KMT2E: variants seen among roughly 807,000 people sequenced by gnomAD.
KMT2E encodes histone reader KMT2E.
Under a neutral mutation model 184.6 loss-of-function variants are expected in KMT2E, and 30 were observed. The ratio of observed to expected loss-of-function variants is 0.16; its 90% CI spans 0.12 to 0.22. The LOEUF (loss-of-function observed/expected upper bound fraction) is 0.22, where lower values mean the gene tolerates loss of function less well. Ranked by LOEUF, KMT2E falls within the 10% of genes least tolerant of loss-of-function variation. The pLI, the probability that KMT2E is intolerant of heterozygous loss-of-function variation, is 1.00. For missense variants in KMT2E, 2,023 were observed against 2,237.4 expected (o/e 0.90, Z 1.93); for synonymous variants, 815 against 776.5 (o/e 1.05, Z -0.82).
intron 3 of KMT2E, among the ~76,000 whole-genome samples, chr7:105,041,520 G>T (rs1228267150): frequency 6.6e-6 from 1 of 152,110 alleles, no homozygotes; most frequent in African/African-American, 2.4e-5. Context: ...TCCTGCCTCA[G>T]CCTCCCGAGT....
rs531547156 is a variant in KMT2E, at chr7:105,056,342, A to G, written c.72-5822A>G. 2.0e-5 allele frequency among the ~76,000 whole-genome samples: 3 copies of G among 152,322 alleles called. No homozygotes were observed. In the East Asian group the frequency reaches 5.8e-4, roughly 29 times the overall value. On this transcript the variant is annotated intron_variant, in intron 3 of 26. Transcript: ENST00000311117. ...GTACAGTTTATTGTGAAGTTTTTCT[A>G]AATCCAAACCTCCAAAGGAAAATCT...
chr7:105,096,247 C>CAAAA (rs11330758), intron 15 of KMT2E, among the ~76,000 whole-genome samples: 8 of 69,248 alleles, frequency 1.2e-4, no homozygotes, highest in Non-Finnish European at 1.7e-4. Context: ...GTGAAAGGCT[C>CAAAA]AAAAAAAAAA....
At chr7:105,046,211 TA>T (rs1234074104) in intron 3 of KMT2E, among the ~76,000 whole-genome samples, 1 of 152,216 alleles carries the variant, frequency 6.6e-6, no homozygotes, top group East Asian at 1.9e-4. Context: ...AAAGCCGTCT[TA>T]TTCATATATT....
chr7:105,038,962 G>A (rs956725782), intron 2 of KMT2E, among the ~76,000 whole-genome samples: 1 of 152,100 alleles, frequency 6.6e-6, no homozygotes, highest in Non-Finnish European at 1.5e-5. Context: ...CTGCAGTTCT[G>A]TTTCAGATGT....
intron 4 of KMT2E, among the ~76,000 whole-genome samples, chr7:105,062,985 T>C (rs1341823004): frequency 6.8e-6 from 1 of 146,938 alleles, no homozygotes; most frequent in Non-Finnish European, 1.5e-5. Context: ...TTCTGAGATG[T>C]GTGTTTTTCT....
intron 15 of KMT2E, among the ~76,000 whole-genome samples, chr7:105,101,011 T>C (rs1179989647): frequency 1.3e-5 from 2 of 152,172 alleles, no homozygotes; most frequent in Admixed American, 6.5e-5. Flanking sequence ...GCCAATAATA[T>C]ACTCACTCAA....
In KMT2E at chr7:105,109,050, A is replaced by G; in HGVS notation, c.3577A>G (p.Ser1193Gly). The G allele has an allele frequency of 6.2e-7, 1 of 1,614,216 alleles. No individual in the cohort carries two copies. Among genetic ancestry groups the G allele is most frequent in the Non-Finnish European group, 8.5e-7 (1 of 1,180,034 alleles). ...SVSPHASGSLSNNGDGCASSN... is the reference protein window; with the variant it reads ...SVSPHASGSLGNNGDGCASSN... ...ATCACCCCATGCAAGTGGAAGCTTG[A>G]GCAACAATGGTGATGGCTGTGCCAG... Residue 1193 changes from serine (S) to glycine (G), a missense_variant, in exon 23 of 27, where the codon AGC (serine) becomes GGC (glycine). Ser to Gly is a moderately conservative substitution (Grantham distance 56). Around this residue, in one of 8 missense-constraint regions of KMT2E, gnomAD observed 1,108 missense variants for 1,050.9 expected, o/e 1.05. Transcript: ENST00000311117.
chr7:105,055,131 A>G (rs1283455308), intron 3 of KMT2E, among the ~76,000 whole-genome samples: 2 of 151,502 alleles, frequency 1.3e-5, no homozygotes, highest in Non-Finnish European at 2.9e-5. Context: ...TTGTCATACT[A>G]CTACTCCACT....
intron 13 of KMT2E, among the ~76,000 whole-genome samples, chr7:105,086,159 A>G (rs1048477575): frequency 2.6e-5 from 4 of 152,014 alleles, no homozygotes. Context: ...TTCACTGCCT[A>G]TGGTATTTAT....
At position 105,077,635 on chromosome 7, in the gene KMT2E, T is replaced by C. The variant is rs1584766511; in HGVS notation, c.1130+202T>C. ...AACAACATAAAAAAATGCAAAGATA[T>C]ATTCCGGTCTCTTGCTCATGTCTGT... On this transcript the variant is annotated intron_variant, in intron 11 of 26. Transcript: ENST00000311117. 5 of 500,540 alleles carry C rather than the reference T, an allele frequency of 1.0e-5. No individual in the cohort carries two copies. In the South Asian group the frequency reaches 1.3e-4, roughly 13 times the overall value. The allele number at this position is 500,540 out of a possible 1,614,324, so 31.0% of individuals were successfully genotyped here. A position where few individuals can be genotyped will look rare whatever the true frequency, so the allele number is the denominator to read the frequency against.
Position 105,063,469 on chromosome 7 carries a change from G to T in KMT2E, c.305G>T (p.Ser102Ile), listed in dbSNP as rs1385728309. 1 of 1,613,658 alleles carries T rather than the reference G, an allele frequency of 6.2e-7. No homozygotes were observed. Among genetic ancestry groups the T allele is most frequent in the Non-Finnish European group, 8.5e-7 (1 of 1,179,766 alleles). ...FTTPNFDETS[S>I]ATTISTSEDG... Reference sequence around the variant, plus strand: ...ACTCCTAATTTTGATGAAACTTCCAGTGCTACTACAATCAGCACATCTGAG... The same window carrying T: ...ACTCCTAATTTTGATGAAACTTCCATTGCTACTACAATCAGCACATCTGAG... Residue 102 changes from serine (S) to isoleucine (I), a missense_variant, in exon 5 of 27, where the codon AGT becomes ATT. By Grantham distance (142) the Ser-to-Ile change is moderately radical. Coordinates refer to ENST00000311117, the MANE Select transcript of KMT2E (RefSeq NM_182931.3).
At chr7:105,035,809 T>G (rs2129564941) in intron 1 of KMT2E, among the ~76,000 whole-genome samples, 1 of 152,240 alleles carries the variant, frequency 6.6e-6, no homozygotes, top group South Asian at 2.1e-4. Flanking sequence ...TCCACCCACC[T>G]TGGCCTCCCA....
At chr7:105,095,229 C>G (rs1186753493) in intron 15 of KMT2E, among the ~76,000 whole-genome samples, 2 of 152,032 alleles carry the variant, frequency 1.3e-5, no homozygotes, top group Non-Finnish European at 1.5e-5. Flanking sequence ...GGAGAGAGAT[C>G]AGATTGTCTC....
chr7:105,065,296 C>T (rs994067468), intron 5 of KMT2E, among the ~76,000 whole-genome samples: 1 of 152,208 alleles, frequency 6.6e-6, no homozygotes, highest in African/African-American at 2.4e-5. Context: ...GTCTGCATGA[C>T]ATCATTACTT....
intron 13 of KMT2E, among the ~76,000 whole-genome samples, chr7:105,088,676 G>C (rs533531906): frequency 2.1e-4 from 32 of 152,078 alleles, no homozygotes. Context: ...AAGTACATGC[G>C]CCTGAGAGTC....
intron 13 of KMT2E, among the ~76,000 whole-genome samples, chr7:105,086,675 A>G (rs774969324): frequency 2.0e-5 from 3 of 151,508 alleles, no homozygotes; most frequent in Admixed American, 6.6e-5. Flanking sequence ...CAGTGAGCCA[A>G]TATTGCGCCA....
rs368980325 is a variant in KMT2E at position 105,062,156 on chromosome 7, C to T, written c.72-8C>T. ...GGAATTCTCTTTGATGCAACTTTTT[C>T]CCCCCAGACCAGAATCCGTAGAAGC... On this transcript the variant is annotated splice_region_variant and splice_polypyrimidine_tract_variant and intron_variant, in intron 3 of 26. Transcript: ENST00000311117. 314 of 1,563,054 alleles carry T rather than the reference C, an allele frequency of 2.0e-4. 1 individual carries two copies. In the Middle Eastern group the frequency reaches 3.5e-3, roughly 18 times the overall value.
intron 1 of KMT2E, among the ~76,000 whole-genome samples, chr7:105,025,355 T>G (rs879216778): frequency 6.6e-6 from 1 of 152,206 alleles, no homozygotes; most frequent in Non-Finnish European, 1.5e-5. Context: ...TGGGTAAAAT[T>G]CTTAGAAGCT....
Position 105,112,242 on chromosome 7 carries a change from CAAAG to C in KMT2E, c.4490_4493del (p.Arg1497ThrfsTer42), listed in dbSNP as rs1799330389. ...AGTTGGAACACCTCAGCGAGAGCCT[CAAAG>C]AAACTTTTATCCAGCAGCACAGAAC... On this transcript the variant is annotated frameshift_variant, in exon 27 of 27. Coordinates refer to ENST00000311117, the MANE Select transcript of KMT2E (RefSeq NM_182931.3). LOFTEE classifies it high-confidence loss of function. 1.2e-6 allele frequency: 2 copies of C among 1,614,016 alleles called. No individual in the cohort carries two copies. The highest frequency in any genetic ancestry group is 1.3e-5 in the African/African-American group (1 of 74,914).
Sources: gnomAD v4.1 joint callset for allele counts (sites outside exome capture counted in the v4.1 genomes callset) on GRCh38, gnomAD v4.1.1 for gene constraint, gnomAD v4.1.1 regional missense constraint, MANE v1.5 for transcripts, NCBI Gene and HGNC (gene_info 2026-07-23, HGNC 2026-07-21) for gene names.